SAMD12: variants seen among roughly 807,000 people sequenced by gnomAD.
The protein encoded by SAMD12 is sterile alpha motif domain-containing protein 12.
Under a neutral mutation model 15.0 loss-of-function variants are expected in SAMD12, and 9 were observed. That is an observed-to-expected ratio of 0.60 (90% confidence interval 0.36 to 1.05). The LOEUF is 1.05. Ranked by LOEUF, SAMD12 falls within the 50% of genes least tolerant of loss-of-function variation. SAMD12 has a pLI of 0.01. For missense variants in SAMD12, 230 were observed against 234.2 expected, an observed-to-expected ratio of 0.98 and a Z score of 0.12; for synonymous variants, 86 against 90.1, an observed-to-expected ratio of 0.96 and a Z score of 0.25.
chr8:118,283,468 A>G (rs1563730824), intron 4 of SAMD12, among the ~76,000 whole-genome samples: 1 of 152,194 alleles, frequency 6.6e-6, no homozygotes, highest in Non-Finnish European at 1.5e-5. Flanking sequence ...TGCCCAAGAG[A>G]GACACGACTA....
chr8:118,380,728 A>G (rs1387549499), intron 3 of SAMD12, among the ~76,000 whole-genome samples: 3 of 152,222 alleles, frequency 2.0e-5, no homozygotes. Flanking sequence ...GTCTTTAGGT[A>G]TATTATCATA....
intron 2 of SAMD12, among the ~76,000 whole-genome samples, chr8:118,473,920 T>C (rs541452856): frequency 6.6e-6 from 1 of 152,178 alleles, no homozygotes; most frequent in Non-Finnish European, 1.5e-5. Flanking sequence ...GACTTGGTTA[T>C]ATCCCCACAC....
chr8:118,203,129 G>A (rs1292619265), intron 4 of SAMD12, among the ~76,000 whole-genome samples: 1 of 152,166 alleles, frequency 6.6e-6, no homozygotes, highest in African/African-American at 2.4e-5. Context: ...AGAAACATTT[G>A]TTGGGAAAAG....
intron 2 of SAMD12, among the ~76,000 whole-genome samples, chr8:118,483,060 T>C (rs1395129215): frequency 6.6e-6 from 1 of 152,226 alleles, no homozygotes; most frequent in African/African-American, 2.4e-5. Context: ...AAATTTCAGG[T>C]GCAAATATAA....
chr8:118,207,517 C>G (rs1045813498), intron 4 of SAMD12, among the ~76,000 whole-genome samples: 6 of 152,206 alleles, frequency 3.9e-5, no homozygotes, highest in Non-Finnish European at 8.8e-5. Context: ...GAAGTATAAT[C>G]TAAGATACCA....
At chr8:118,313,155 A>T (rs1815713971) in intron 4 of SAMD12, among the ~76,000 whole-genome samples, 2 of 152,140 alleles carry the variant, frequency 1.3e-5, no homozygotes, top group African/African-American at 4.8e-5. Flanking sequence ...CTGCTGTGGG[A>T]TTTAAGGAAG....
chr8:118,191,756 TTATATATATATATATATATATATATATA>T (rs774278612), exon 5 of SAMD12: 476 of 15,380 alleles, frequency 0.031, 36 homozygotes, highest in African/African-American at 0.096. Context: ...ATACTGGAGA[TTATATATATATATATATATATATATATA>T]TATATATATA....
At chr8:118,584,600 T>C (rs1827384502) in intron 1 of SAMD12, among the ~76,000 whole-genome samples, 1 of 152,164 alleles carries the variant, frequency 6.6e-6, no homozygotes, top group African/African-American at 2.4e-5. Flanking sequence ...CACTTTTACT[T>C]AATTTGAATG....
chr8:118,180,549 CCT>C, the SAMD12 span, among the ~76,000 whole-genome samples: 4,499 of 149,398 alleles, frequency 0.03, 84 homozygotes, highest in South Asian at 0.075. Flanking sequence ...TTTCTCTCTC[CCT>C]CTCTCTCTCT....
the SAMD12 span, among the ~76,000 whole-genome samples, chr8:118,140,657 G>A: frequency 2.6e-5 from 4 of 152,144 alleles, no homozygotes; most frequent in Non-Finnish European, 4.4e-5. Flanking sequence ...GGAGGGCATC[G>A]TGTTTCAGAG....
intron 2 of SAMD12, among the ~76,000 whole-genome samples, chr8:118,498,873 C>T (rs902222781): frequency 6.6e-6 from 1 of 152,140 alleles, no homozygotes; most frequent in Non-Finnish European, 1.5e-5. Flanking sequence ...AGAACCTTTC[C>T]TCAGACAGTA....
chr8:118,318,355 T>TATACAC (rs1554630371), intron 4 of SAMD12, among the ~76,000 whole-genome samples: 15 of 110,830 alleles, frequency 1.4e-4, no homozygotes, highest in African/African-American at 4.7e-4. Flanking sequence ...TATATATATA[T>TATACAC]ACATATATAC....
downstream of SAMD12, among the ~76,000 whole-genome samples, chr8:118,373,366 T>C (rs919828627): frequency 6.6e-6 from 1 of 152,114 alleles, no homozygotes; most frequent in Non-Finnish European, 1.5e-5. Flanking sequence ...GACTTCCTTC[T>C]TTAAGAAAGG....
intron 2 of SAMD12, among the ~76,000 whole-genome samples, chr8:118,550,984 C>T (rs1308795944): frequency 1.3e-5 from 2 of 151,626 alleles, no homozygotes; most frequent in Non-Finnish European, 2.9e-5. Flanking sequence ...GCTAACTATC[C>T]TAAATATATA....
At chr8:118,190,923 C>T (rs1819351342) in exon 5 of SAMD12, 1 of 152,128 alleles carries the variant, frequency 6.6e-6, no homozygotes, top group Non-Finnish European at 1.5e-5. Context: ...GTATATAAAC[C>T]ACAACAGATC....
At chr8:118,265,010 G>T (rs1221833838) in intron 4 of SAMD12, among the ~76,000 whole-genome samples, 2 of 152,124 alleles carry the variant, frequency 1.3e-5, no homozygotes, top group African/African-American at 4.8e-5. Context: ...GAACTGCACT[G>T]CAATGAGGCA....
chr8:118,484,792 AAC>A (rs1256602847), intron 2 of SAMD12, among the ~76,000 whole-genome samples: 1 of 152,180 alleles, frequency 6.6e-6, no homozygotes, highest in Non-Finnish European at 1.5e-5. Flanking sequence ...CCAGAAAAAA[AAC>A]AGTCTGCCTT....
intron 4 of SAMD12, among the ~76,000 whole-genome samples, chr8:118,286,893 A>T (rs551783831): frequency 6.6e-6 from 1 of 152,296 alleles, no homozygotes; most frequent in Admixed American, 6.5e-5. Context: ...ATCTGTACCC[A>T]TCATGTTGAC....
chr8:118,318,327 T>TATATATATATATACAC (rs1563758916), intron 4 of SAMD12, among the ~76,000 whole-genome samples: 1 of 35,056 alleles, frequency 2.9e-5, no homozygotes, highest in African/African-American at 7.7e-5. Flanking sequence ...TATATATATA[T>TATATATATATATACAC]ATATATATAT....
Sources: allele counts gnomAD v4.1 joint callset (sites outside exome capture counted in the v4.1 genomes callset), GRCh38; gene constraint gnomAD v4.1.1; transcripts MANE v1.5; gene names NCBI Gene and HGNC (gene_info 2026-07-23, HGNC 2026-07-21).